The following PSD3 variants were observed in gnomAD, a reference collection of about 807,000 sequenced individuals.
PSD3 encodes the protein PH and SEC7 domain-containing protein 3.
PSD3 carries 49 observed loss-of-function variants against 105.5 expected under a neutral mutation model. That is an observed-to-expected ratio of 0.46 (90% CI 0.37 to 0.59). PSD3 has a LOEUF of 0.59. Among genes scored for constraint, PSD3 ranks in the 20% least tolerant of loss-of-function variants. The pLI is 0.00. For synonymous variants in PSD3, 557 were observed against 457.8 expected (o/e 1.22, Z -2.77); for missense variants, 1,561 against 1,263.8 (o/e 1.24, Z -3.57).
chr8:19,051,113 C>G (rs1828513588), intron 1 of PSD3, among the ~76,000 whole-genome samples: 1 of 152,172 alleles, frequency 6.6e-6, no homozygotes. Flanking sequence ...GATCATGTCT[C>G]ACCTCTGCAT....
At chr8:18,926,035 T>C (rs904231036) in intron 2 of PSD3, among the ~76,000 whole-genome samples, 1 of 152,096 alleles carries the variant, frequency 6.6e-6, no homozygotes, top group African/African-American at 2.4e-5. Context: ...GGAACTAACA[T>C]AGGTATTCTG....
intron 2 of PSD3, among the ~76,000 whole-genome samples, chr8:18,910,862 T>C (rs922984087): frequency 4.1e-5 from 6 of 145,224 alleles, no homozygotes; most frequent in African/African-American, 1.5e-4. Context: ...GTCGAAAAAA[T>C]AAAACAAACA....
chr8:18,539,122 A>G (rs752860835), intron 15 of PSD3, among the ~76,000 whole-genome samples: 1 of 152,214 alleles, frequency 6.6e-6, no homozygotes, highest in Non-Finnish European at 1.5e-5. Context: ...TCTTCAAAAC[A>G]TTTTAGGAAA....
intron 1 of PSD3, among the ~76,000 whole-genome samples, chr8:18,963,533 C>G (rs564043951): frequency 2.0e-5 from 3 of 152,232 alleles, no homozygotes; most frequent in Admixed American, 2.0e-4. Flanking sequence ...ATCCAATTTT[C>G]TTCTCTCAAA....
At position 18,532,815 on chromosome 8, in the gene PSD3, C is replaced by T. The variant is rs1280301165; in HGVS notation, c.*2928G>A. On this transcript the variant is annotated 3_prime_UTR_variant, in exon 16 of 16. Transcript: ENST00000327040. ...AAACCCCTAAAATTCAGATTTTATA[C>T]ATGGGCCACCTGTATGGTCAATTTT... is the stretch of plus-strand genomic sequence containing the variant. The T allele has an allele frequency of 6.6e-6, 1 of 152,176 alleles. No homozygotes were observed. The highest frequency in any genetic ancestry group is 1.5e-5 in the Non-Finnish European group (1 of 68,038). 9.4% of individuals were successfully genotyped at this position (152,176 alleles called of 1,614,324 possible). A position where few individuals can be genotyped will look rare whatever the true frequency, so the allele number is the denominator to read the frequency against.
intron 11 of PSD3, among the ~76,000 whole-genome samples, chr8:18,629,874 C>T (rs1806767948): frequency 6.6e-6 from 1 of 151,792 alleles, no homozygotes; most frequent in Non-Finnish European, 1.5e-5. Flanking sequence ...AGAAACCATG[C>T]ACATTCTGGA....
At chr8:18,776,777 C>T (rs186526907) in intron 8 of PSD3, among the ~76,000 whole-genome samples, 107 of 152,252 alleles carry the variant, frequency 7.0e-4, no homozygotes, top group African/African-American at 2.4e-3. Context: ...GATCTCGTTA[C>T]TCATTACTGG....
chr8:18,908,200 G>A (rs1265341709), intron 2 of PSD3, among the ~76,000 whole-genome samples: 1 of 152,164 alleles, frequency 6.6e-6, no homozygotes, highest in Admixed American at 6.5e-5. Context: ...TTCAACAATA[G>A]AGGCAAATTC....
chr8:18,536,437 C>T (rs552641030), intron 15 of PSD3, among the ~76,000 whole-genome samples: 5 of 152,162 alleles, frequency 3.3e-5, no homozygotes, highest in Non-Finnish European at 7.3e-5. Flanking sequence ...CAAAGGCTTG[C>T]CTTGAGGGAC....
intron 2 of PSD3, among the ~76,000 whole-genome samples, chr8:18,906,645 T>C (rs1280590349): frequency 6.6e-6 from 1 of 152,150 alleles, no homozygotes; most frequent in African/African-American, 2.4e-5. Flanking sequence ...GGTAGTATCA[T>C]ATCCTAAAAC....
Position 18,635,445 on chromosome 8 carries a change from A to C in PSD3, c.2217-2639T>G, listed in dbSNP as rs144207087. 2.6e-3 allele frequency among the ~76,000 whole-genome samples: 399 copies of C among 152,246 alleles called. 3 individuals are homozygous for C. Among genetic ancestry groups the C allele is most frequent in the African/African-American group, 9.1e-3 (378 of 41,532 alleles). ...ACAATATACAACCATTGTCTTGTAA[A>C]ATTATAATGCAGCCAAAAAAAATCC... On this transcript the variant is annotated intron_variant, in intron 10 of 15. Coordinates refer to ENST00000327040, the MANE Select transcript of PSD3 (RefSeq NM_015310.4).
intron 2 of PSD3, among the ~76,000 whole-genome samples, chr8:18,909,130 T>C (rs560027382): frequency 1.3e-5 from 2 of 152,324 alleles, no homozygotes; most frequent in South Asian, 2.1e-4. Flanking sequence ...AAAGGGCAAA[T>C]ACTCTAAGTT....
chr8:18,714,901 C>A (rs113935685), intron 9 of PSD3, among the ~76,000 whole-genome samples: 256 of 152,310 alleles, frequency 1.7e-3, no homozygotes, highest in African/African-American at 5.9e-3. Context: ...CAGTGATAGA[C>A]TGCATACAGA....
chr8:18,769,883 T>G (rs1807348549), intron 8 of PSD3, among the ~76,000 whole-genome samples: 1 of 152,258 alleles, frequency 6.6e-6, no homozygotes, highest in African/African-American at 2.4e-5. Flanking sequence ...ATTTATAAAT[T>G]GATGAATGTT....
chr8:18,839,341 T>C (rs1260308116), intron 4 of PSD3, among the ~76,000 whole-genome samples: 1 of 152,090 alleles, frequency 6.6e-6, no homozygotes, highest in East Asian at 1.9e-4. Context: ...TATAGGAAAA[T>C]ATTTTCTTAA....
At chr8:19,002,990 G>T (rs995673940) in intron 1 of PSD3, among the ~76,000 whole-genome samples, 1 of 151,982 alleles carries the variant, frequency 6.6e-6, no homozygotes, top group African/African-American at 2.4e-5. Flanking sequence ...CTACCATCCA[G>T]GTCACATTTA....
chr8:18,832,774 C>G (rs1355641599), intron 4 of PSD3, among the ~76,000 whole-genome samples: 1 of 152,180 alleles, frequency 6.6e-6, no homozygotes, highest in African/African-American at 2.4e-5. Context: ...TACATGGTGG[C>G]AGGCAAAAGA....
intron 9 of PSD3, among the ~76,000 whole-genome samples, chr8:18,723,911 A>G (rs1803167208): frequency 6.6e-6 from 1 of 152,178 alleles, no homozygotes; most frequent in Non-Finnish European, 1.5e-5. Context: ...ATTTAATGTG[A>G]TTGGCAACTT....
chr8:18,790,233 T>C (rs545629100), intron 8 of PSD3, among the ~76,000 whole-genome samples: 3 of 152,266 alleles, frequency 2.0e-5, no homozygotes, highest in Non-Finnish European at 4.4e-5. Context: ...GGCAATATGA[T>C]AGTAAATTAT....
Sources: gnomAD v4.1 joint callset for allele counts (sites outside exome capture counted in the v4.1 genomes callset) on GRCh38, gnomAD v4.1.1 for gene constraint, MANE v1.5 for transcripts, NCBI Gene and HGNC (gene_info 2026-07-23, HGNC 2026-07-21) for gene names.